Variants in KPNB1 observed in about 807,000 individuals in gnomAD.
KPNB1 encodes importin subunit beta-1.
A neutral mutation model predicts 113.0 loss-of-function variants in KPNB1; 7 were observed. The observed-to-expected ratio is 0.06, with a 90% CI of 0.04 to 0.12. The LOEUF is 0.12. KPNB1 is among the 10% of genes least tolerant of loss of function. The pLI is 1.00. For missense variants in KPNB1, 400 were observed against 1,054.8 expected, an observed-to-expected ratio of 0.38 and a Z score of 8.60; for synonymous variants, 363 against 378.6, an observed-to-expected ratio of 0.96 and a Z score of 0.48.
chr17:47,661,242 T>C (rs1396038727), intron 6 of KPNB1, 64 bp downstream of exon 6: 3 of 1,214,022 alleles, frequency 2.5e-6, no homozygotes, highest in East Asian at 2.3e-5. Context: ...AAATCTAATA[T>C]AAGTTTGAAA....
intron 17 of KPNB1, 48 bp downstream of exon 17, chr17:47,677,175 C>G (rs1431313439): frequency 2.2e-6 from 3 of 1,371,674 alleles, no homozygotes; most frequent in Non-Finnish European, 3.1e-6. Context: ...TTGAAGAAAA[C>G]AACAGTTGGA....
intron 21 of KPNB1, among the ~76,000 whole-genome samples, chr17:47,681,686 G>T (rs1311165503): frequency 4.2e-5 from 4 of 96,034 alleles, no homozygotes; most frequent in Non-Finnish European, 7.6e-5. Context: ...GGAATTATAG[G>T]TTTTTTTTTT....
At position 47,674,710 on chromosome 17, in the gene KPNB1, A is replaced by G; in HGVS notation, c.1840A>G (p.Met614Val). The G allele has an allele frequency of 6.2e-7, 1 of 1,614,214 alleles. No homozygotes were observed. The highest frequency in any genetic ancestry group is 8.5e-7 in the Non-Finnish European group (1 of 1,180,008). Residue 614 changes from methionine to valine, a missense_variant, in exon 15 of 22, where the codon ATG (methionine) becomes GTG (valine). Around this residue, in one of 2 missense-constraint regions of KPNB1, gnomAD observed 115 missense variants for 427.9 expected, o/e 0.27. Coordinates refer to ENST00000290158, the MANE Select transcript of KPNB1 (RefSeq NM_002265.6). ...SDVVMASLLRMFQSTAGSGGV... is the reference protein window; with the variant it reads ...SDVVMASLLRVFQSTAGSGGV... The stretch of plus-strand genomic sequence containing the variant: ...TGTGGTTATGGCCTCCCTGTTAAGG[A>G]TGTTCCAAAGCACAGCTGGGTCTGG...
intron 2 of KPNB1, chr17:47,651,331 G>A (rs1363397553): frequency 1.0e-6 from 1 of 985,244 alleles, no homozygotes; most frequent in Non-Finnish European, 1.2e-6. Flanking sequence ...GTTGGGGGAT[G>A]GGGTCAGAGG....
At chr17:47,675,261 T>C (rs962594298) in intron 15 of KPNB1, among the ~76,000 whole-genome samples, 4 of 152,028 alleles carry the variant, frequency 2.6e-5, no homozygotes, top group Middle Eastern at 3.2e-3. Flanking sequence ...CACTTCAAAG[T>C]TAGATTGAAC....
intron 21 of KPNB1, 67 bp from the exon 22 acceptor site, chr17:47,682,337 C>T (rs1192456672): frequency 1.3e-6 from 1 of 778,100 alleles, no homozygotes; most frequent in Non-Finnish European, 2.4e-6. Context: ...TTGTAGGAGT[C>T]AGCATTATTG....
intron 5 of KPNB1, among the ~76,000 whole-genome samples, chr17:47,659,371 TAAAA>T (rs2030020064): frequency 6.6e-6 from 1 of 151,966 alleles, no homozygotes; most frequent in African/African-American, 2.4e-5. Flanking sequence ...ATAAAAAAAA[TAAAA>T]GAAAGAAATT....
At position 47,668,959 on chromosome 17, in the gene KPNB1, C is replaced by CT. The variant is rs928901402; in HGVS notation, c.1224+550dup. Reference sequence around the variant, plus strand: ...TCCAGCCTGGGCAACGAGCGAAACTCTATCTCAAAAAAAAAAAAAAGAGTT... The same window carrying CT: ...TCCAGCCTGGGCAACGAGCGAAACTCTTATCTCAAAAAAAAAAAAAAGAGTT... On this transcript the variant is annotated intron_variant, in intron 10 of 21. Transcript: ENST00000290158. 7.1e-4 allele frequency among the ~76,000 whole-genome samples: 105 copies of CT among 147,226 alleles called. 1 individual carries two copies. In the South Asian group the frequency reaches 0.02, roughly 28 times the overall value.
chr17:47,670,773 T>G lies in KPNB1; in HGVS notation c.1488T>G (p.Thr496=), dbSNP rs765019576. 6.2e-7 allele frequency: 1 copy of G among 1,613,394 alleles called. No homozygotes were observed. The highest frequency in any genetic ancestry group is 8.5e-7 in the Non-Finnish European group (1 of 1,179,294). ...DVADDQEEPA[T]YCLSSSFELI... ...CTGATGATCAGGAAGAACCAGCTAC[T>G]TACTGCTTATCTTCTTCATTTGAAC... The change falls in exon 12 of 22, where the codon ACT becomes ACG. Residue 496 remains threonine, a synonymous_variant. Transcript: ENST00000290158.
intron 12 of KPNB1, among the ~76,000 whole-genome samples, chr17:47,671,330 T>G (rs1324843560): frequency 6.6e-6 from 1 of 152,224 alleles, no homozygotes; most frequent in African/African-American, 2.4e-5. Context: ...CCACCTACCT[T>G]AGAATTGTTC....
rs1367460789 is a variant in KPNB1 at position 47,661,861 on chromosome 17, G to GT, written c.696+685dup. The stretch of plus-strand genomic sequence containing the variant: ...CAGCTTCGCTACTTCATTGCCGTAG[G>GT]TTATTCAAGCCATTTCTACTAAAAA... On this transcript the variant is annotated intron_variant, in intron 6 of 21. Transcript: ENST00000290158. Among the ~76,000 whole-genome samples, 11 of 152,290 alleles carry GT rather than the reference G, an allele frequency of 7.2e-5. No individual in the cohort carries two copies. The East Asian group carries it at 2.1e-3, about 29-fold the overall frequency.
In KPNB1 at chr17:47,683,360, T is replaced by G. The variant is rs2030852155; in HGVS notation, c.*956T>G. On this transcript the variant is annotated 3_prime_UTR_variant, in exon 22 of 22. Transcript: ENST00000290158. Reference sequence around the variant, plus strand: ...TATAGAAAAATATAAGTACAATTGTTACAAATAACGCAGACTTCAAAAACA... The same window carrying G: ...TATAGAAAAATATAAGTACAATTGTGACAAATAACGCAGACTTCAAAAACA... 6.6e-6 allele frequency: 1 copy of G among 151,966 alleles called. No individual in the cohort carries two copies. The allele number at this position is 151,966 out of a possible 1,614,324, so 9.4% of individuals were successfully genotyped here.
intron 15 of KPNB1, among the ~76,000 whole-genome samples, chr17:47,675,622 G>T (rs571610806): frequency 1.1e-4 from 16 of 152,114 alleles, no homozygotes; most frequent in Non-Finnish European, 1.9e-4. Context: ...ACACATCATG[G>T]TGCCTGGTAT....
At chr17:47,671,412 G>C (rs777359483) in intron 12 of KPNB1, among the ~76,000 whole-genome samples, 1 of 152,150 alleles carries the variant, frequency 6.6e-6, no homozygotes. Flanking sequence ...ATCTAGAGAG[G>C]TTCCTTCATT....
At chr17:47,679,960 G>A in intron 19 of KPNB1, 60 bp from the exon 20 acceptor site, 1 of 1,064,584 alleles carries the variant, frequency 9.4e-7, no homozygotes, top group South Asian at 1.3e-5. Flanking sequence ...GCCTCCTAAA[G>A]TGCTGGGTTT....
In KPNB1 at chr17:47,656,733, GTGAGACCC is replaced by G; in HGVS notation, c.283-124_283-117del. 17 of 898,302 alleles carry G rather than the reference GTGAGACCC, an allele frequency of 1.9e-5. No homozygotes were observed. In the South Asian group the frequency reaches 2.6e-4, roughly 14 times the overall value. The allele number at this position is 898,302 out of a possible 1,614,324, so 55.6% of individuals were successfully genotyped here. A position where few individuals can be genotyped will look rare whatever the true frequency, so the allele number is the denominator to read the frequency against. On this transcript the variant is annotated intron_variant, in intron 3 of 21. Transcript: ENST00000290158. Reference sequence around the variant, plus strand: ...ACTGCACTCCAGTCCGGGCAACATAGTGAGACCCTGTCTTAAGAAAGAAAGAAAAAAAA... The same window carrying G: ...ACTGCACTCCAGTCCGGGCAACATAGTGTCTTAAGAAAGAAAGAAAAAAAA...
In KPNB1 at chr17:47,685,183, A is replaced by G. The variant is rs1312623687; in HGVS notation, c.*2779A>G. The G allele has an allele frequency of 2.6e-5, 4 of 152,172 alleles. No homozygotes were observed. The highest frequency in any genetic ancestry group is 6.5e-5 in the Admixed American group (1 of 15,278). 9.4% of individuals were successfully genotyped at this position (152,172 alleles called of 1,614,324 possible). On this transcript the variant is annotated 3_prime_UTR_variant, in exon 22 of 22. Transcript: ENST00000290158. ...TGGACTTGCTGTCAGAGGCAACTGTAATATTGCCTTAGGGACTTGTGGAGA... is the reference window on the plus strand; with the variant it reads ...TGGACTTGCTGTCAGAGGCAACTGTGATATTGCCTTAGGGACTTGTGGAGA...
At chr17:47,678,233 A>T in intron 18 of KPNB1, 44 bp downstream of exon 18, 1 of 1,613,328 alleles carries the variant, frequency 6.2e-7, no homozygotes, top group Non-Finnish European at 8.5e-7. Flanking sequence ...TCTAGCTCTA[A>T]TTGGAGGGAC....
intron 4 of KPNB1, among the ~76,000 whole-genome samples, chr17:47,657,723 A>T (rs1390814818): frequency 6.6e-6 from 1 of 152,232 alleles, no homozygotes; most frequent in Non-Finnish European, 1.5e-5. Context: ...GAGGAAAGCG[A>T]ATATTACCTC....
Sources: allele counts gnomAD v4.1 joint callset (sites outside exome capture counted in the v4.1 genomes callset), GRCh38; gene constraint gnomAD v4.1.1; regional missense constraint gnomAD v4.1.1; transcripts MANE v1.5; gene names NCBI Gene and HGNC (gene_info 2026-07-23, HGNC 2026-07-21).